Variants in PLXNA4 observed in about 807,000 individuals in gnomAD.
PLXNA4 encodes the protein plexin-A4.
A neutral mutation model predicts 191.8 loss-of-function variants in PLXNA4; 44 were observed. The observed-to-expected ratio is 0.23, with a 90% CI of 0.18 to 0.29. The LOEUF (loss-of-function observed/expected upper bound fraction) is 0.29. Among genes scored for constraint, PLXNA4 ranks in the 10% least tolerant of loss-of-function variants. The pLI is 1.00. For missense variants in PLXNA4, 1,800 were observed against 2,488.8 expected (o/e 0.72, Z 5.89); for synonymous variants, 1,082 against 1,009.5 (o/e 1.07, Z -1.36).
chr7:132,404,804 T>C (rs974701845), intron 3 of PLXNA4, among the ~76,000 whole-genome samples: 1 of 152,152 alleles, frequency 6.6e-6, no homozygotes, highest in African/African-American at 2.4e-5. Flanking sequence ...ATTATTATTC[T>C]GATGCCTACT....
intron 1 of PLXNA4, among the ~76,000 whole-genome samples, chr7:132,567,941 A>AGT (rs1465845389): frequency 1.3e-5 from 2 of 152,152 alleles, no homozygotes; most frequent in Non-Finnish European, 2.9e-5. Flanking sequence ...CACATCAATC[A>AGT]GTGGTTAGGG....
At chr7:132,599,588 C>T (rs1195899929) in intron 2 of PLXNA4, among the ~76,000 whole-genome samples, 2 of 151,990 alleles carry the variant, frequency 1.3e-5, no homozygotes, top group African/African-American at 4.8e-5. Flanking sequence ...TTCATTTATT[C>T]TAGTAGTTTG....
At chr7:132,150,903 C>A (rs1406473911) in intron 25 of PLXNA4, among the ~76,000 whole-genome samples, 1 of 152,198 alleles carries the variant, frequency 6.6e-6, no homozygotes, top group Non-Finnish European at 1.5e-5. Flanking sequence ...TACTCAACAA[C>A]CCTGGCTGAG....
chr7:132,229,287 A>C (rs964556781), intron 5 of PLXNA4, among the ~76,000 whole-genome samples: 33 of 152,228 alleles, frequency 2.2e-4, no homozygotes, highest in African/African-American at 5.5e-4. Context: ...GTATGGTGTC[A>C]CAAGTGGACC....
chr7:132,267,905 C>T lies in PLXNA4; in HGVS notation c.1504-26739G>A, dbSNP rs148550078. 2.6e-5 allele frequency among the ~76,000 whole-genome samples: 4 copies of T among 152,316 alleles called. No individual in the cohort carries two copies. The East Asian group carries it at 7.7e-4, about 29-fold the overall frequency. ...CAGGACCTTGGCCATCAAGAGTTAA[C>T]TCCATCTGACTCTAATGCACGCACT... On this transcript the variant is annotated intron_variant, in intron 4 of 31. Coordinates refer to ENST00000321063, the MANE Select transcript of PLXNA4 (RefSeq NM_020911.2).
At chr7:132,420,594 TACATTTTA>T (rs1794815062) in intron 3 of PLXNA4, among the ~76,000 whole-genome samples, 1 of 152,250 alleles carries the variant, frequency 6.6e-6, no homozygotes, top group African/African-American at 2.4e-5. Context: ...TTTTCAAATT[TACATTTTA>T]ACAATTTTTT....
intron 4 of PLXNA4, among the ~76,000 whole-genome samples, chr7:132,283,947 G>T (rs766302296): frequency 3.1e-4 from 47 of 152,362 alleles, no homozygotes; most frequent in Non-Finnish European, 5.4e-4. Flanking sequence ...GGCCAAGGCA[G>T]GAGGATCACT....
At chr7:132,248,757 G>A (rs956002363) in intron 4 of PLXNA4, among the ~76,000 whole-genome samples, 3 of 152,232 alleles carry the variant, frequency 2.0e-5, no homozygotes, top group Non-Finnish European at 4.4e-5. Context: ...ACTCTGGAAA[G>A]AGAATGCAGC....
At chr7:132,597,597 ATT>A (rs1802736190) in intron 2 of PLXNA4, among the ~76,000 whole-genome samples, 1 of 151,930 alleles carries the variant, frequency 6.6e-6, no homozygotes, top group South Asian at 2.1e-4. Flanking sequence ...TCATTCATTC[ATT>A]CATTCATTCA....
intron 3 of PLXNA4, among the ~76,000 whole-genome samples, chr7:132,469,648 T>C (rs1211428164): frequency 4.6e-5 from 7 of 152,246 alleles, no homozygotes; most frequent in Non-Finnish European, 1.0e-4. Flanking sequence ...AAGTAGCCCA[T>C]GGGTCTTCAT....
chr7:132,484,913 C>A, intron 3 of PLXNA4: 1 of 1,614,186 alleles, frequency 6.2e-7, no homozygotes, highest in African/African-American at 1.3e-5. Context: ...AAGATACACA[C>A]ACAGCATCTG....
At chr7:132,317,089 T>C (rs1801972596) in intron 3 of PLXNA4, among the ~76,000 whole-genome samples, 1 of 152,184 alleles carries the variant, frequency 6.6e-6, no homozygotes, top group South Asian at 2.1e-4. Context: ...TGGATTGTGT[T>C]GTGTTGAATT....
Position 132,643,895 on chromosome 7 carries a change from T to A in PLXNA4, c.-87+2033A>T, listed in dbSNP as rs376410419. Among the ~76,000 whole-genome samples the A allele has an allele frequency of 8.7e-4, 132 of 152,172 alleles. 1 individual carries two copies. The South Asian group carries it at 0.026, about 29-fold the overall frequency. On this transcript the variant is annotated intron_variant, in intron 2 of 4. Coordinates refer to the PLXNA4 transcript ENST00000378539. The stretch of plus-strand genomic sequence containing the variant: ...TGAGCCCAGGAGTTTGAGGCTGCAG[T>A]GATCTAAGATCGCACCACTACACTC...
intron 3 of PLXNA4, chr7:132,367,756 G>A (rs1315848871): frequency 2.0e-5 from 3 of 152,300 alleles, no homozygotes; most frequent in Non-Finnish European, 2.9e-5. Flanking sequence ...AACAGAGAAT[G>A]AGAAGGACAG....
intron 4 of PLXNA4, among the ~76,000 whole-genome samples, chr7:132,253,642 G>C (rs754994257): frequency 1.3e-5 from 2 of 152,150 alleles, no homozygotes; most frequent in Non-Finnish European, 2.9e-5. Flanking sequence ...CTTCTGACCA[G>C]TAGCACCCTA....
chr7:132,136,855 G>A (rs1468045354), intron 30 of PLXNA4, among the ~76,000 whole-genome samples: 4 of 152,128 alleles, frequency 2.6e-5, no homozygotes, highest in Non-Finnish European at 5.9e-5. Context: ...TTCCCAATAT[G>A]TACCTTTCAA....
intron 3 of PLXNA4, among the ~76,000 whole-genome samples, chr7:132,372,125 C>T (rs1804465918): frequency 6.6e-6 from 1 of 152,208 alleles, no homozygotes; most frequent in South Asian, 2.1e-4. Flanking sequence ...CATGAGAATG[C>T]TTTGGGAAAG....
At chr7:132,486,566 T>C (rs1054982970) in intron 3 of PLXNA4, among the ~76,000 whole-genome samples, 1 of 152,210 alleles carries the variant, frequency 6.6e-6, no homozygotes, top group Admixed American at 6.5e-5. Context: ...AGCAGAAAGT[T>C]TGGCCGCCCC....
intron 19 of PLXNA4, among the ~76,000 whole-genome samples, chr7:132,180,164 TA>T (rs1796659166): frequency 6.6e-6 from 1 of 152,138 alleles, no homozygotes; most frequent in Admixed American, 6.5e-5. Flanking sequence ...GTCATCTTCA[TA>T]AGAAAACAGC....
Sources: gnomAD v4.1 joint callset for allele counts (sites outside exome capture counted in the v4.1 genomes callset) on GRCh38, gnomAD v4.1.1 for gene constraint, MANE v1.5 for transcripts, NCBI Gene and HGNC (gene_info 2026-07-23, HGNC 2026-07-21) for gene names.